Variants in NIPBL observed in about 807,000 individuals in gnomAD.
The protein encoded by NIPBL is NIPBL cohesin loading factor, also known as nipped-B-like protein.
NIPBL carries 19 observed loss-of-function variants against 321.8 expected under a neutral mutation model. The observed-to-expected ratio is 0.06, with a 90% CI of 0.04 to 0.09. The LOEUF (loss-of-function observed/expected upper bound fraction) is 0.09, where lower values mean the gene tolerates loss of function less well. Among genes scored for constraint, NIPBL ranks in the 10% least tolerant of loss-of-function variants. NIPBL has a pLI of 1.00. For missense variants in NIPBL, 2,210 were observed against 3,327.0 expected (o/e 0.66, Z 8.26); for synonymous variants, 1,106 against 1,114.1 (o/e 0.99, Z 0.14).
chr5:36,887,231 T>G (rs1252297474), intron 1 of NIPBL, among the ~76,000 whole-genome samples: 2 of 152,200 alleles, frequency 1.3e-5, no homozygotes, highest in Non-Finnish European at 2.9e-5. Flanking sequence ...ACTCTCTTTT[T>G]CATAATTAAA....
At position 36,955,460 on chromosome 5, in the gene NIPBL, T is replaced by C. The variant is rs1266783542; in HGVS notation, c.65-12T>C. 6.2e-7 allele frequency: 1 copy of C among 1,610,374 alleles called. No homozygotes were observed. Among genetic ancestry groups the C allele is most frequent in the Non-Finnish European group, 8.5e-7 (1 of 1,176,872 alleles). On this transcript the variant is annotated splice_polypyrimidine_tract_variant and intron_variant, in intron 2 of 46. Coordinates refer to ENST00000282516, the MANE Select transcript of NIPBL (RefSeq NM_133433.4). Reference sequence around the variant, plus strand: ...CACTCAATTTCTAATAATCTGATTTTATTCCAAATAGTCCTGAACCAGCTG... The same window carrying C: ...CACTCAATTTCTAATAATCTGATTTCATTCCAAATAGTCCTGAACCAGCTG...
At chr5:37,053,116 T>G (rs1353419304) in intron 42 of NIPBL, among the ~76,000 whole-genome samples, 1 of 152,186 alleles carries the variant, frequency 6.6e-6, no homozygotes, top group Non-Finnish European at 1.5e-5. Context: ...ATGACAGGGA[T>G]ACATTTGGAG....
At chr5:36,925,092 T>C (rs1749249500) in intron 1 of NIPBL, among the ~76,000 whole-genome samples, 1 of 152,208 alleles carries the variant, frequency 6.6e-6, no homozygotes, top group South Asian at 2.1e-4. Context: ...CTGACAGGAA[T>C]CTGCTGAAGA....
At chr5:37,030,683 G>A (rs1750896273) in intron 32 of NIPBL, among the ~76,000 whole-genome samples, 1 of 151,712 alleles carries the variant, frequency 6.6e-6, no homozygotes, top group Non-Finnish European at 1.5e-5. Context: ...AGGGAAACTT[G>A]AAGTACTACT....
chr5:36,979,061 G>A (rs1355141780), intron 9 of NIPBL, among the ~76,000 whole-genome samples: 1 of 151,786 alleles, frequency 6.6e-6, no homozygotes, highest in Non-Finnish European at 1.5e-5. Context: ...GGATTGCTTT[G>A]GCTATTCAGG....
At chr5:37,033,245 A>C (rs1483622894) in intron 32 of NIPBL, among the ~76,000 whole-genome samples, 1 of 152,194 alleles carries the variant, frequency 6.6e-6, no homozygotes, top group African/African-American at 2.4e-5. Flanking sequence ...AAAAAATTTA[A>C]ATATATCAAA....
At chr5:36,951,902 G>GA (rs1344827637) in intron 1 of NIPBL, among the ~76,000 whole-genome samples, 1 of 151,660 alleles carries the variant, frequency 6.6e-6, no homozygotes, top group African/African-American at 2.4e-5. Context: ...AAACTGTAAA[G>GA]AAAAAAGAGG....
At position 37,026,391 on chromosome 5, in the gene NIPBL, C is replaced by A. The variant is rs1445899957; in HGVS notation, c.5808+64C>A. ...CCAGACCTAATTGAGGCCTACATGT[C>A]TTATGAAGGAAGAGACAATAATGAG... On this transcript the variant is annotated intron_variant, in intron 31 of 46. Coordinates refer to ENST00000282516, the MANE Select transcript of NIPBL (RefSeq NM_133433.4). The A allele has an allele frequency of 5.1e-5, 44 of 865,352 alleles. No homozygotes were observed. The South Asian group carries it at 5.6e-4, about 11-fold the overall frequency. The allele number at this position is 865,352 out of a possible 1,614,324, so 53.6% of individuals were successfully genotyped here.
chr5:37,056,614 A>T (rs300056), intron 42 of NIPBL, among the ~76,000 whole-genome samples: 6,221 of 152,242 alleles, frequency 0.041, 430 homozygotes, highest in African/African-American at 0.14. Context: ...ACAAATGTTT[A>T]TGAGTACATG....
chr5:37,043,207 G>T (rs890803138), intron 34 of NIPBL, among the ~76,000 whole-genome samples: 2 of 152,038 alleles, frequency 1.3e-5, no homozygotes, highest in African/African-American at 4.8e-5. Flanking sequence ...ACCAGCCTGC[G>T]CAACATAGTG....
rs775247210 is a variant in NIPBL at position 37,002,665 on chromosome 5, A to G, written c.3668A>G (p.Asp1223Gly). ...TTTGTTTGGCTTGATTTTGCAGGTG[A>G]TGATGATGAAATTCCTCAGGAACTG... ...LEDMDFTAFG[D>G]DDEIPQELLL... Residue 1223 changes from aspartate (D) to glycine (G), a missense_variant, in exon 15 of 47, where the codon GAT becomes GGT. Asp to Gly is a moderately conservative substitution (Grantham distance 94, BLOSUM62 -1). Transcript: ENST00000282516. 4 of 1,595,978 alleles carry G rather than the reference A, an allele frequency of 2.5e-6. No individual in the cohort carries two copies. Among genetic ancestry groups the G allele is most frequent in the Non-Finnish European group, 3.4e-6 (4 of 1,163,894 alleles).
chr5:37,033,120 C>T (rs1254301716), intron 32 of NIPBL, among the ~76,000 whole-genome samples: 1 of 152,012 alleles, frequency 6.6e-6, no homozygotes, highest in Non-Finnish European at 1.5e-5. Context: ...TGAATGATTA[C>T]TTATAATAAA....
At chr5:36,915,470 T>G (rs1228534872) in intron 1 of NIPBL, among the ~76,000 whole-genome samples, 5 of 152,172 alleles carry the variant, frequency 3.3e-5, no homozygotes, top group South Asian at 2.1e-4. Context: ...CCAAAAGCTC[T>G]TACTAGATGA....
At chr5:36,905,513 T>G (rs1409893570) in intron 1 of NIPBL, among the ~76,000 whole-genome samples, 1 of 152,172 alleles carries the variant, frequency 6.6e-6, no homozygotes, top group Non-Finnish European at 1.5e-5. Context: ...CAGTTTTTCC[T>G]TGCACTTCTC....
intron 8 of NIPBL, 70 bp from the exon 9 acceptor site, chr5:36,975,700 TTATTAA>T: frequency 7.5e-7 from 1 of 1,340,636 alleles, no homozygotes; most frequent in African/African-American, 1.4e-5. Context: ...ATATTGTCAC[TTATTAA>T]TATTTCTATC....
At chr5:36,890,507 TTGTGCC>T in intron 1 of NIPBL, among the ~76,000 whole-genome samples, 1 of 152,370 alleles carries the variant, frequency 6.6e-6, no homozygotes, top group East Asian at 1.9e-4. Context: ...TTTCCCACTA[TTGTGCC>T]TGTGGTCTCT....
At chr5:36,946,295 C>G (rs1739664617) in intron 1 of NIPBL, among the ~76,000 whole-genome samples, 1 of 151,922 alleles carries the variant, frequency 6.6e-6, no homozygotes, top group Non-Finnish European at 1.5e-5. Context: ...CTCCAGCAGA[C>G]TTTCTGTTGC....
rs1361614869 is a variant in NIPBL, at chr5:36,986,093, G to A, written c.2913G>A (p.Gln971=). 6.2e-7 allele frequency: 1 copy of A among 1,613,778 alleles called. No individual in the cohort carries two copies. The highest frequency in any genetic ancestry group is 8.5e-7 in the Non-Finnish European group (1 of 1,179,902). Reference sequence around the variant, plus strand: ...GGGATAAAGATGGCAATGTTACTCAGGAGACAAAGAAAATGGAAATGAAAG... The same window carrying A: ...GGGATAAAGATGGCAATGTTACTCAAGAGACAAAGAAAATGGAAATGAAAG... ...IKRDKDGNVT[Q]ETKKMEMKGE... is the part of the protein sequence containing the mutation. The change falls in exon 10 of 47, where the codon CAG becomes CAA. Residue 971 remains glutamine (Q), a synonymous_variant. Transcript: ENST00000282516.
At chr5:36,982,154 A>G (rs1283178204) in intron 9 of NIPBL, 1 of 850,182 alleles carries the variant, frequency 1.2e-6, no homozygotes, top group Non-Finnish European at 1.4e-6. Context: ...TTTTGTATGC[A>G]TTTTCTTTAG....
Sources: gnomAD v4.1 joint callset for allele counts (sites outside exome capture counted in the v4.1 genomes callset) on GRCh38, gnomAD v4.1.1 for gene constraint, MANE v1.5 for transcripts, NCBI Gene and HGNC (gene_info 2026-07-23, HGNC 2026-07-21) for gene names.